The following DGKE variants were observed in gnomAD, a reference collection of about 807,000 sequenced individuals.
DGKE encodes the protein DAG kinase epsilon.
DGKE carries 53 observed loss-of-function variants against 70.0 expected under a neutral mutation model. That is an observed-to-expected ratio of 0.76 (90% confidence interval 0.61 to 0.95). DGKE has a LOEUF of 0.95. Ranked by LOEUF, DGKE falls within the 40% of genes least tolerant of loss-of-function variation. The pLI is 0.00. For synonymous variants in DGKE, 291 were observed against 257.0 expected (o/e 1.13, Z -1.27); for missense variants, 655 against 706.9 (o/e 0.93, Z 0.83).
chr17:56,840,365 T>TTTGTTGTTG (rs753507975), intron 2 of DGKE, among the ~76,000 whole-genome samples: 1 of 151,616 alleles, frequency 6.6e-6, no homozygotes, highest in African/African-American at 2.4e-5. Flanking sequence ...AGTAGTTTGT[T>TTTGTTGTTG]TTGTTGTTGT....
At chr17:56,834,290 G>C (rs1906405537) in intron 1 of DGKE, 30 bp downstream of exon 1, 1 of 153,764 alleles carries the variant, frequency 6.5e-6, no homozygotes, top group Admixed American at 6.5e-5. Context: ...CGCGGCGCAG[G>C]TCTCCGGAGG....
intron 9 of DGKE, among the ~76,000 whole-genome samples, chr17:56,860,752 C>T (rs1908240875): frequency 6.7e-6 from 1 of 150,272 alleles, no homozygotes; most frequent in Non-Finnish European, 1.5e-5. Flanking sequence ...GGGAAGATTG[C>T]TGTAGGCTAA....
rs1908429880 is a variant in DGKE, at chr17:56,864,013, G to A, written c.*1222G>A. The A allele has an allele frequency of 6.6e-6, 1 of 152,124 alleles. No individual in the cohort carries two copies. The allele number at this position is 152,124 out of a possible 1,614,324, so 9.4% of individuals were successfully genotyped here. On this transcript the variant is annotated 3_prime_UTR_variant, in exon 12 of 12. Coordinates refer to ENST00000284061, the MANE Select transcript of DGKE (RefSeq NM_003647.3). ...CTTCACAAATATTCCTCATTGTATT[G>A]AAAAATGAAGGAGGGCATGAAAAGC...
intron 11 of DGKE, 25 bp downstream of exon 11, chr17:56,862,276 G>A (rs1477793686): frequency 4.4e-6 from 7 of 1,586,392 alleles, no homozygotes; most frequent in Admixed American, 3.4e-5. Flanking sequence ...GCTGTAACAG[G>A]CTAATTTGTC....
rs1908017511 is a variant in DGKE at position 56,857,480 on chromosome 17, G to C, written c.1212+855G>C. On this transcript the variant is annotated intron_variant, in intron 8 of 11. Coordinates refer to ENST00000284061, the MANE Select transcript of DGKE (RefSeq NM_003647.3). The stretch of plus-strand genomic sequence containing the variant: ...GACCAACAGGATATCAAAAATAAAT[G>C]CCTAGCAATTATATTCCTGGTTCTG... Among the ~76,000 whole-genome samples the C allele has an allele frequency of 2.0e-5, 3 of 152,120 alleles. No homozygotes were observed. In the South Asian group the frequency reaches 6.2e-4, roughly 32 times the overall value.
Position 56,852,024 on chromosome 17 carries a change from C to T in DGKE, c.1098+2792C>T, listed in dbSNP as rs144878712. On this transcript the variant is annotated intron_variant, in intron 7 of 11. Transcript: ENST00000284061. Reference sequence around the variant, plus strand: ...TCAAGGCTGCGGTGAGCTATCATCACGCCACTGCACTCCAGCCTGGGTGAC... The same window carrying T: ...TCAAGGCTGCGGTGAGCTATCATCATGCCACTGCACTCCAGCCTGGGTGAC... 2.2e-3 allele frequency among the ~76,000 whole-genome samples: 335 copies of T among 152,160 alleles called. 4 individuals are homozygous for T. Among genetic ancestry groups the T allele is most frequent in the Non-Finnish European group, 2.6e-3 (175 of 68,012 alleles).
At chr17:56,856,257 A>G (rs1263578960) in intron 7 of DGKE, among the ~76,000 whole-genome samples, 3 of 152,174 alleles carry the variant, frequency 2.0e-5, no homozygotes, top group Non-Finnish European at 4.4e-5. Flanking sequence ...AAGTAGAGCC[A>G]TTCTAGATGG....
chr17:56,856,809 T>C (rs996685353), intron 8 of DGKE, 184 bp downstream of exon 8: 1 of 420,716 alleles, frequency 2.4e-6, no homozygotes, highest in Non-Finnish European at 3.2e-6. Flanking sequence ...TTAAATGTGC[T>C]TTATCAGGCC....
intron 2 of DGKE, among the ~76,000 whole-genome samples, chr17:56,841,110 G>T (rs1460051088): frequency 6.6e-6 from 1 of 151,920 alleles, no homozygotes; most frequent in African/African-American, 2.4e-5. Context: ...AATTAGCTGG[G>T]CGTGGTAGCA....
chr17:56,851,639 T>C (rs1433569812), intron 7 of DGKE, among the ~76,000 whole-genome samples: 1 of 152,126 alleles, frequency 6.6e-6, no homozygotes, highest in Non-Finnish European at 1.5e-5. Context: ...CAGCCAAGGA[T>C]TGGAGGCACA....
At position 56,834,936 on chromosome 17, in the gene DGKE, G is replaced by A. The variant is rs144043702; in HGVS notation, c.141G>A (p.Arg47=). ...TFWCSLQRSR[R]QLHRRDIFRK... is the part of the protein sequence containing the mutation. ...GGTGTAGCCTCCAGCGGTCGCGCCG[G>A]CAGCTGCACCGCAGGGACATCTTCC... Residue 47 remains arginine, a synonymous_variant, in exon 2 of 12, where the codon CGG becomes CGA. Coordinates refer to ENST00000284061, the MANE Select transcript of DGKE (RefSeq NM_003647.3). 56 of 1,613,298 alleles carry A rather than the reference G, an allele frequency of 3.5e-5. No individual in the cohort carries two copies. The highest frequency in any genetic ancestry group is 4.6e-5 in the Non-Finnish European group (54 of 1,179,934).
chr17:56,850,063 G>A (rs1483412766), intron 7 of DGKE, among the ~76,000 whole-genome samples: 1 of 151,910 alleles, frequency 6.6e-6, no homozygotes, highest in East Asian at 1.9e-4. Flanking sequence ...TGCTGAGAAT[G>A]CATAAGAGAA....
rs760028073 is a variant in DGKE, at chr17:56,835,022, T to C, written c.227T>C (p.Val76Ala). The C allele has an allele frequency of 5.6e-6, 9 of 1,612,726 alleles. No homozygotes were observed. The highest frequency in any genetic ancestry group is 5.9e-6 in the Non-Finnish European group (7 of 1,180,016). ...TTCAGCCAGCCCACCTACTGCTGCG[T>C]GTGCGCGCAGCACATTCTGCAGGGC... is the stretch of plus-strand genomic sequence containing the variant. ...DLFSQPTYCC[V>A]CAQHILQGAF... The change falls in exon 2 of 12, where the codon GTG becomes GCG. Residue 76 changes from valine (V) to alanine (A), a missense_variant. By Grantham distance (64) the Val-to-Ala change is moderately conservative. Transcript: ENST00000284061.
At chr17:56,835,612 A>C in intron 2 of DGKE, 1 of 374,660 alleles carries the variant, frequency 2.7e-6, no homozygotes, top group Non-Finnish European at 4.7e-6. Flanking sequence ...GAAAAATGAA[A>C]TATGGACAAA....
intron 2 of DGKE, among the ~76,000 whole-genome samples, chr17:56,843,006 G>A (rs957784126): frequency 6.6e-6 from 1 of 152,264 alleles, no homozygotes; most frequent in Middle Eastern, 3.4e-3. Context: ...AGAAATGCAC[G>A]GTTGTACTTA....
At chr17:56,841,334 A>T (rs1906971102) in intron 2 of DGKE, among the ~76,000 whole-genome samples, 2 of 152,140 alleles carry the variant, frequency 1.3e-5, no homozygotes, top group African/African-American at 4.8e-5. Context: ...ATATATTTTT[A>T]AAAACTTAAG....
In DGKE at chr17:56,868,871, C is replaced by T. The variant is rs1202911269; in HGVS notation, c.*6080C>T. The stretch of plus-strand genomic sequence containing the variant: ...TAGCCTAAGAGCACAGAATCATACA[C>T]GTGTGTTAGGAGAAACATTCATTCT... On this transcript the variant is annotated 3_prime_UTR_variant, in exon 12 of 12. Coordinates refer to ENST00000284061, the MANE Select transcript of DGKE (RefSeq NM_003647.3). 1 of 152,174 alleles carries T rather than the reference C, an allele frequency of 6.6e-6. No homozygotes were observed. Among genetic ancestry groups the T allele is most frequent in the Non-Finnish European group, 1.5e-5 (1 of 68,052 alleles). The allele number at this position is 152,174 out of a possible 1,614,324, so 9.4% of individuals were successfully genotyped here.
At chr17:56,862,055 T>C in intron 10 of DGKE, 85 bp from the exon 11 acceptor site, 1 of 1,551,586 alleles carries the variant, frequency 6.4e-7, no homozygotes, top group South Asian at 1.2e-5. Flanking sequence ...AAGTTGATGG[T>C]CCAACTGTGT....
rs1908496236 is a variant in DGKE, at chr17:56,865,581, G to A, written c.*2790G>A. 1 of 152,100 alleles carries A rather than the reference G, an allele frequency of 6.6e-6. No homozygotes were observed. Among genetic ancestry groups the A allele is most frequent in the African/African-American group, 2.4e-5 (1 of 41,430 alleles). 9.4% of individuals were successfully genotyped at this position (152,100 alleles called of 1,614,324 possible). A position where few individuals can be genotyped will look rare whatever the true frequency, so the allele number is the denominator to read the frequency against. On this transcript the variant is annotated 3_prime_UTR_variant, in exon 12 of 12. Coordinates refer to ENST00000284061, the MANE Select transcript of DGKE (RefSeq NM_003647.3). ...TGTTTTAGGTTTTCTGCAACAATTA[G>A]CTGTGAACCCCTAATGTAGCTAAGT...
Sources: allele counts gnomAD v4.1 joint callset (sites outside exome capture counted in the v4.1 genomes callset), GRCh38; gene constraint gnomAD v4.1.1; transcripts MANE v1.5; gene names NCBI Gene and HGNC (gene_info 2026-07-23, HGNC 2026-07-21).